The following NOM1 variants were observed in gnomAD, a reference collection of about 807,000 sequenced individuals.
NOM1 encodes nucleolar protein with MIF4G domain 1.
In NOM1, 58 loss-of-function variants were observed where a neutral mutation model predicts 73.3. The observed-to-expected ratio is 0.79, with a 90% CI of 0.64 to 0.99. The LOEUF (loss-of-function observed/expected upper bound fraction) is 0.99. Among genes scored for constraint, NOM1 ranks in the 50% least tolerant of loss-of-function variants. The pLI is 0.00. For missense variants in NOM1, 1,226 were observed against 1,131.9 expected (o/e 1.08, Z -1.19); for synonymous variants, 487 against 446.8 (o/e 1.09, Z -1.14).
At chr7:156,963,219 C>G (rs1804911128) in intron 6 of NOM1, 44 bp downstream of exon 6, 1 of 1,607,352 alleles carries the variant, frequency 6.2e-7, no homozygotes, top group Non-Finnish European at 8.5e-7. Context: ...AGGCACCCCC[C>G]TGTGTGGTGT....
rs1463977521 is a variant in NOM1 at position 156,969,605 on chromosome 7, G to A, written c.2485G>A (p.Ala829Thr). ...CATCAGCCACTTCTTGCTAAAGAAC[G>A]CACAGGCCCACAGAAGCGCCGACGA... is the stretch of plus-strand genomic sequence containing the variant. ...LFISHFLLKNAQAHRSADEAN... is the reference protein window; with the variant it reads ...LFISHFLLKNTQAHRSADEAN... The change falls in exon 11 of 11, where the codon GCA becomes ACA. Residue 829 changes from alanine (A) to threonine (T), a missense_variant. Physicochemically the swap from Ala to Thr is moderately conservative, Grantham distance 58. Coordinates refer to ENST00000275820, the MANE Select transcript of NOM1 (RefSeq NM_138400.2). 6.2e-6 allele frequency: 10 copies of A among 1,614,010 alleles called. No homozygotes were observed. Among genetic ancestry groups the A allele is most frequent in the African/African-American group, 1.3e-5 (1 of 75,024 alleles).
chr7:156,966,994 C>T lies in NOM1; in HGVS notation c.2200C>T (p.Arg734Trp), dbSNP rs771522175. ...TFQFSIWDKF[R>W]DLENLPATNF... is the part of the protein sequence containing the mutation. ...CCAGTTCAGCATATGGGACAAATTT[C>T]GGGACTTGGAAAACTTGCCAGCTAC... Residue 734 changes from arginine (R) to tryptophan (W), a missense_variant, in exon 9 of 11, where the codon CGG (arginine) becomes TGG (tryptophan). Coordinates refer to ENST00000275820, the MANE Select transcript of NOM1 (RefSeq NM_138400.2). 1.1e-5 allele frequency: 18 copies of T among 1,612,748 alleles called. No homozygotes were observed. Among genetic ancestry groups the T allele is most frequent in the South Asian group, 3.3e-5 (3 of 90,990 alleles).
At position 156,963,420 on chromosome 7, in the gene NOM1, G is replaced by T. The variant is rs550764423; in HGVS notation, c.1911+245G>T. ...GTTGAATGGCACGGGGCAGGGGAGC[G>T]CATGAGGACCTGAACGCTCACGGGG... On this transcript the variant is annotated intron_variant, in intron 6 of 10. Coordinates refer to ENST00000275820, the MANE Select transcript of NOM1 (RefSeq NM_138400.2). 9 of 548,914 alleles carry T rather than the reference G, an allele frequency of 1.6e-5. No individual in the cohort carries two copies. In the Admixed American group the frequency reaches 2.4e-4, roughly 14 times the overall value. 34.0% of individuals were successfully genotyped at this position (548,914 alleles called of 1,614,324 possible).
intron 10 of NOM1, 28 bp from the exon 11 acceptor site, chr7:156,969,501 G>A: frequency 6.3e-7 from 1 of 1,598,086 alleles, no homozygotes; most frequent in Non-Finnish European, 8.6e-7. Flanking sequence ...GCTCAGCCCT[G>A]ACATGTGTTT....
rs1435424267 is a variant in NOM1, at chr7:156,950,737, C to T, written c.987+13C>T. The T allele has an allele frequency of 6.5e-6, 10 of 1,547,564 alleles. No individual in the cohort carries two copies. The Admixed American group carries it at 2.0e-4, about 31-fold the overall frequency. ...CATAACGGATAAGGTATCGTGTGAA[C>T]ACTCTCTAGGCCCTCTGGGATTTCC... On this transcript the variant is annotated intron_variant, in intron 1 of 10. Transcript: ENST00000275820.
intron 4 of NOM1, 119 bp from the exon 5 acceptor site, chr7:156,962,032 C>G: frequency 1.3e-6 from 1 of 774,958 alleles, no homozygotes; most frequent in South Asian, 1.5e-5. Flanking sequence ...GCTGTCCTGA[C>G]TTTGTATCGT....
In NOM1 at chr7:156,969,175, A is replaced by G. The variant is rs749333382; in HGVS notation, c.2387A>G (p.Asp796Gly). 6.4e-7 allele frequency: 1 copy of G among 1,567,276 alleles called. No homozygotes were observed. The highest frequency in any genetic ancestry group is 1.7e-5 in the Admixed American group (1 of 59,910). The change falls in exon 10 of 11, where the codon GAC (aspartate) becomes GGC (glycine). Residue 796 changes from aspartate to glycine, a missense_variant. Asp to Gly is a moderately conservative substitution (Grantham distance 94). Coordinates refer to ENST00000275820, the MANE Select transcript of NOM1 (RefSeq NM_138400.2). ...SILLMETEVE[D>G]LSLIFTRVSD... The stretch of plus-strand genomic sequence containing the variant: ...CTATTAATGGAAACAGAAGTTGAAG[A>G]CCTCAGTTTAATTTTCACAAGGTAT...
intron 3 of NOM1, among the ~76,000 whole-genome samples, chr7:156,956,280 G>A (rs565633033): frequency 6.6e-6 from 1 of 152,286 alleles, no homozygotes; most frequent in East Asian, 1.9e-4. Context: ...CATGGGGTGG[G>A]TGGAGATGCT....
Position 156,969,911 on chromosome 7 carries a change from A to C in NOM1, c.*208A>C. 2.1e-5 allele frequency: 9 copies of C among 425,028 alleles called. No individual in the cohort carries two copies. The highest frequency in any genetic ancestry group is 4.2e-5 in the East Asian group (1 of 23,690). 26.3% of individuals were successfully genotyped at this position (425,028 alleles called of 1,614,324 possible). On this transcript the variant is annotated 3_prime_UTR_variant, in exon 11 of 11. Coordinates refer to ENST00000275820, the MANE Select transcript of NOM1 (RefSeq NM_138400.2). ...ATAACTATCTTGGGGGTGAGAGGAG[A>C]AGGAGGGAGGGAAAAGGGGTCAGGC...
Position 156,950,385 on chromosome 7 carries a change from T to G in NOM1, c.648T>G (p.Leu216=), listed in dbSNP as rs1376782647. ...CGCTGAGCTTTGCACGCGACGGTCT[T>G]GACTATATTCTGGGAGCCCTGGAGT... The part of the protein sequence containing the change: ...SVPLSFARDG[L]DYILGALESG... Residue 216 remains leucine (L), a synonymous_variant, in exon 1 of 11, where the codon CTT becomes CTG. Transcript: ENST00000275820. 6.2e-7 allele frequency: 1 copy of G among 1,614,224 alleles called. No individual in the cohort carries two copies. The highest frequency in any genetic ancestry group is 2.2e-5 in the East Asian group (1 of 44,888).
intron 7 of NOM1, among the ~76,000 whole-genome samples, chr7:156,964,595 A>G (rs1804950168): frequency 6.6e-6 from 1 of 152,226 alleles, no homozygotes. Context: ...AAGAAAAAAA[A>G]AATCTTTAAA....
Position 156,971,953 on chromosome 7 carries a change from C to T in NOM1, c.*2250C>T, listed in dbSNP as rs1421003195. ...GAAGAGTGAATTAAGTGAAAATCTT[C>T]CCTTTGTTAAGGAGCTTTTTAACAA... On this transcript the variant is annotated 3_prime_UTR_variant, in exon 11 of 11. Coordinates refer to ENST00000275820, the MANE Select transcript of NOM1 (RefSeq NM_138400.2). 1 of 152,204 alleles carries T rather than the reference C, an allele frequency of 6.6e-6. No individual in the cohort carries two copies. Among genetic ancestry groups the T allele is most frequent in the Non-Finnish European group, 1.5e-5 (1 of 68,034 alleles). The allele number at this position is 152,204 out of a possible 1,614,324, so 9.4% of individuals were successfully genotyped here. A position where few individuals can be genotyped will look rare whatever the true frequency, so the allele number is the denominator to read the frequency against.
intron 8 of NOM1, 120 bp downstream of exon 8, chr7:156,966,522 C>T: frequency 8.3e-7 from 1 of 1,207,146 alleles, no homozygotes; most frequent in Non-Finnish European, 1.2e-6. Context: ...ATCCCCGTCA[C>T]CTGGTCCACG....
rs1804656790 is a variant in NOM1 at position 156,954,003 on chromosome 7, A to G, written c.1113-100A>G. On this transcript the variant is annotated intron_variant, in intron 2 of 10. Coordinates refer to ENST00000275820, the MANE Select transcript of NOM1 (RefSeq NM_138400.2). The stretch of plus-strand genomic sequence containing the variant: ...GGGTCAAAAGTGTACATAAAAATAG[A>G]ATATATTGTTGGTATGGATAACTCT... 5.4e-6 allele frequency: 5 copies of G among 925,142 alleles called. No homozygotes were observed. The African/African-American group carries it at 8.4e-5, about 16-fold the overall frequency. The allele number at this position is 925,142 out of a possible 1,614,324, so 57.3% of individuals were successfully genotyped here. A position where few individuals can be genotyped will look rare whatever the true frequency, so the allele number is the denominator to read the frequency against.
At chr7:156,954,032 A>T in intron 2 of NOM1, 71 bp from the exon 3 acceptor site, 1 of 1,377,858 alleles carries the variant, frequency 7.3e-7, no homozygotes, top group Non-Finnish European at 1.0e-6. Context: ...TAACTCTTTA[A>T]TTTTTTAAAA....
chr7:156,956,125 G>A (rs1001672364), intron 3 of NOM1, among the ~76,000 whole-genome samples: 6 of 152,084 alleles, frequency 3.9e-5, no homozygotes, highest in South Asian at 2.1e-4. Context: ...CCCAGCAGGC[G>A]GAGTTTGCAG....
intron 2 of NOM1, among the ~76,000 whole-genome samples, chr7:156,953,166 C>T (rs1392471497): frequency 1.3e-5 from 2 of 152,164 alleles, no homozygotes; most frequent in Non-Finnish European, 2.9e-5. Context: ...TCTTGCTGCA[C>T]TGGCTGGAGT....
At chr7:156,965,952 G>A (rs1423622266) in intron 7 of NOM1, among the ~76,000 whole-genome samples, 1 of 152,170 alleles carries the variant, frequency 6.6e-6, no homozygotes, top group Non-Finnish European at 1.5e-5. Flanking sequence ...CGCCATAGCA[G>A]GAACCAGCTC....
At chr7:156,954,466 C>G (rs2134774700) in intron 3 of NOM1, among the ~76,000 whole-genome samples, 168 bp downstream of exon 3, 1 of 148,308 alleles carries the variant, frequency 6.7e-6, no homozygotes, top group South Asian at 2.1e-4. Context: ...AAAGAGCATT[C>G]AGGAAGTACT....
Sources: allele counts gnomAD v4.1 joint callset (sites outside exome capture counted in the v4.1 genomes callset), GRCh38; gene constraint gnomAD v4.1.1; transcripts MANE v1.5; gene names NCBI Gene and HGNC (gene_info 2026-07-23, HGNC 2026-07-21).